Variants in RBM46 observed in about 807,000 individuals in gnomAD.
The protein encoded by RBM46 is RNA binding motif protein 46.
RBM46 carries 12 observed loss-of-function variants against 43.3 expected under a neutral mutation model. The observed-to-expected ratio is 0.28, with a 90% CI of 0.18 to 0.45. RBM46 has a LOEUF of 0.45. Ranked by LOEUF, RBM46 falls within the 20% of genes least tolerant of loss-of-function variation. The pLI, the probability that RBM46 is intolerant of heterozygous loss-of-function variation, is 1.00. For synonymous variants in RBM46, 205 were observed against 207.6 expected, an observed-to-expected ratio of 0.99 and a Z score of 0.11; for missense variants, 412 against 639.1, an observed-to-expected ratio of 0.64 and a Z score of 3.83.
In RBM46 at chr4:154,800,744, T is replaced by C. The variant is rs1358569489; in HGVS notation, c.1402+1180T>C. On this transcript the variant is annotated intron_variant, in intron 4 of 4. Transcript: ENST00000281722. The stretch of plus-strand genomic sequence containing the variant: ...GAATCAAATAAAAGAGAAAGATCTT[T>C]TGAGTGTTATCATTGTTTCTTGATT... 3.9e-5 allele frequency among the ~76,000 whole-genome samples: 6 copies of C among 152,144 alleles called. No homozygotes were observed. In the East Asian group the frequency reaches 1.2e-3, roughly 29 times the overall value.
In RBM46 at chr4:154,814,869, A is replaced by G. The variant is rs904313580; in HGVS notation, c.1403-12999A>G. Among the ~76,000 whole-genome samples, 10 of 151,608 alleles carry G rather than the reference A, an allele frequency of 6.6e-5. 1 individual carries two copies. The South Asian group carries it at 1.0e-3, about 16-fold the overall frequency. On this transcript the variant is annotated intron_variant, in intron 4 of 4. Coordinates refer to ENST00000281722, the MANE Select transcript of RBM46 (RefSeq NM_144979.5). ...TTTTTTTTAAAACTCCTTAAGCTAT[A>G]ACATTACATACAAACAGAAAAGTGC...
chr4:154,811,651 ATGTGTGTGTGTGTGTGTCTG>A lies in RBM46; in HGVS notation c.1402+12105_1402+12124del, dbSNP rs1440951558. On this transcript the variant is annotated intron_variant, in intron 4 of 4. Coordinates refer to ENST00000281722, the MANE Select transcript of RBM46 (RefSeq NM_144979.5). ...CACAGTTCCTTGTGGTAGATAGGAT[ATGTGTGTGTGTGTGTGTCTG>A]TGTGTGTGTGTGTGTGTGTGTGTGT... Among the ~76,000 whole-genome samples, 3 of 132,530 alleles carry A rather than the reference ATGTGTGTGTGTGTGTGTCTG, an allele frequency of 2.3e-5. 1 individual carries two copies. Among genetic ancestry groups the A allele is most frequent in the South Asian group, 5.4e-4 (2 of 3,712 alleles). 86.9% of individuals were successfully genotyped at this position (132,530 alleles called of 152,430 possible).
chr4:154,797,102 T>G (rs1426357204), intron 2 of RBM46, among the ~76,000 whole-genome samples, 199 bp downstream of exon 2: 1 of 152,050 alleles, frequency 6.6e-6, no homozygotes, highest in East Asian at 1.9e-4. Context: ...CTGCTCTTCA[T>G]CTAAGAAGCA....
At chr4:154,800,432 T>A (rs1382462409) in intron 4 of RBM46, among the ~76,000 whole-genome samples, 6 of 152,248 alleles carry the variant, frequency 3.9e-5, no homozygotes, top group Admixed American at 1.3e-4. Flanking sequence ...ATTCTCTTTT[T>A]AATTTCATGT....
chr4:154,827,971 T>G lies in RBM46; in HGVS notation c.1506T>G (p.Ser502=). The G allele has an allele frequency of 1.2e-6, 2 of 1,613,988 alleles. No individual in the cohort carries two copies. The highest frequency in any genetic ancestry group is 1.7e-6 in the Non-Finnish European group (2 of 1,179,898). Residue 502 remains serine, a synonymous_variant, in exon 5 of 5, where the codon TCT becomes TCG. Coordinates refer to ENST00000281722, the MANE Select transcript of RBM46 (RefSeq NM_144979.5). The stretch of plus-strand genomic sequence containing the variant: ...TTCCTTATACTTCAAGGCCTTATTC[T>G]TATCCAGGCTATCCTTTGTCACCAA... ...SVLPYTSRPY[S]YPGYPLSPTI...
At chr4:154,800,329 C>G (rs915498410) in intron 4 of RBM46, among the ~76,000 whole-genome samples, 1 of 152,018 alleles carries the variant, frequency 6.6e-6, no homozygotes, top group Non-Finnish European at 1.5e-5. Flanking sequence ...TCAGATGGGT[C>G]GTGTGTAGAC....
intron 1 of RBM46, 35 bp from the exon 2 acceptor site, chr4:154,796,707 G>A (rs979566481): frequency 7.0e-7 from 1 of 1,429,614 alleles, no homozygotes; most frequent in African/African-American, 1.4e-5. Context: ...GTATTCTGTT[G>A]TAAACTTAAC....
intron 4 of RBM46, 30 bp downstream of exon 4, chr4:154,799,594 T>C: frequency 7.2e-7 from 1 of 1,389,484 alleles, no homozygotes; most frequent in Non-Finnish European, 9.6e-7. Context: ...AAATGATGTA[T>C]AATATGAAAT....
intron 1 of RBM46, among the ~76,000 whole-genome samples, chr4:154,795,739 T>G (rs1734320553): frequency 6.6e-6 from 1 of 152,190 alleles, no homozygotes; most frequent in South Asian, 2.1e-4. Flanking sequence ...TTGATAGCAT[T>G]ATGGAGATTT....
rs757437452 is a variant in RBM46 at position 154,799,551 on chromosome 4, A to G, written c.1389A>G (p.Thr463=). The G allele has an allele frequency of 3.9e-6, 6 of 1,548,062 alleles. No homozygotes were observed. The highest frequency in any genetic ancestry group is 2.8e-5 in the African/African-American group (2 of 72,272). ...CAAAGGAACTGGCAGCCCAGTTTACATTACTTCATTTGGGTAAGTTTAAAA... is the reference window on the plus strand; with the variant it reads ...CAAAGGAACTGGCAGCCCAGTTTACGTTACTTCATTTGGGTAAGTTTAAAA... ...EDAKELAAQF[T]LLHLDYNFHR... Residue 463 remains threonine, a synonymous_variant, in exon 4 of 5, where the codon ACA becomes ACG. Coordinates refer to ENST00000281722, the MANE Select transcript of RBM46 (RefSeq NM_144979.5).
intron 4 of RBM46, chr4:154,827,495 T>C (rs1386096129): frequency 4.0e-6 from 4 of 1,008,956 alleles, no homozygotes; most frequent in East Asian, 1.0e-4. Context: ...ATGAATTCAC[T>C]GTTTTTTATC....
At position 154,828,446 on chromosome 4, in the gene RBM46, T is replaced by C; in HGVS notation, c.*379T>C. ...AAGCACTTGAAGACAATGGTTATAG[T>C]AGATTTGATTACCAAGGATCACTAT... On this transcript the variant is annotated 3_prime_UTR_variant, in exon 5 of 5. Transcript: ENST00000281722. 9.6e-6 allele frequency: 2 copies of C among 208,778 alleles called. No homozygotes were observed. Among genetic ancestry groups the C allele is most frequent in the South Asian group, 8.2e-5 (1 of 12,210 alleles). The allele number at this position is 208,778 out of a possible 1,614,324, so 12.9% of individuals were successfully genotyped here.
At chr4:154,817,016 A>T (rs1161946852) in intron 4 of RBM46, among the ~76,000 whole-genome samples, 1 of 152,146 alleles carries the variant, frequency 6.6e-6, no homozygotes, top group Non-Finnish European at 1.5e-5. Context: ...AAGTAAACTC[A>T]ATTTGGTCAT....
intron 4 of RBM46, among the ~76,000 whole-genome samples, chr4:154,813,597 G>C (rs1450998897): frequency 1.3e-5 from 2 of 151,934 alleles, no homozygotes; most frequent in Non-Finnish European, 2.9e-5. Context: ...GTTATATCTA[G>C]CATAATCTAT....
intron 4 of RBM46, among the ~76,000 whole-genome samples, chr4:154,816,232 T>C (rs749278274): frequency 2.6e-5 from 4 of 152,138 alleles, no homozygotes; most frequent in Admixed American, 6.5e-5. Context: ...TGAGTTTCCA[T>C]ATGAATTTTA....
chr4:154,812,601 A>C (rs1466141961), intron 4 of RBM46, among the ~76,000 whole-genome samples: 1 of 152,210 alleles, frequency 6.6e-6, no homozygotes, highest in Non-Finnish European at 1.5e-5. Flanking sequence ...ATTATATTCA[A>C]AACATCCCAA....
At chr4:154,789,680 T>A (rs1327236384) in intron 1 of RBM46, among the ~76,000 whole-genome samples, 1 of 152,238 alleles carries the variant, frequency 6.6e-6, no homozygotes, top group African/African-American at 2.4e-5. Flanking sequence ...AGGATGATGC[T>A]GGCCTCATAA....
chr4:154,810,388 G>A (rs971972360), intron 4 of RBM46, among the ~76,000 whole-genome samples: 2 of 152,220 alleles, frequency 1.3e-5, no homozygotes, highest in East Asian at 1.9e-4. Context: ...TGACAACTTG[G>A]GTGAGCTTGG....
intron 4 of RBM46, among the ~76,000 whole-genome samples, chr4:154,813,033 G>A (rs1735258003): frequency 6.6e-6 from 1 of 151,934 alleles, no homozygotes; most frequent in African/African-American, 2.4e-5. Context: ...ATGATTTGTT[G>A]TTATTCCCTG....
Sources: gnomAD v4.1 joint callset for allele counts (sites outside exome capture counted in the v4.1 genomes callset) on GRCh38, gnomAD v4.1.1 for gene constraint, MANE v1.5 for transcripts, NCBI Gene and HGNC (gene_info 2026-07-23, HGNC 2026-07-21) for gene names.